The following PDE1C variants were observed in gnomAD, a reference collection of about 807,000 sequenced individuals.
PDE1C encodes the protein phosphodiesterase 1C, also known as dual specificity calcium/calmodulin-dependent 3',5'-cyclic nucleotide phosphodiesterase 1C.
PDE1C carries 62 observed loss-of-function variants against 93.1 expected under a neutral mutation model. The observed-to-expected ratio is 0.67, with a 90% CI of 0.54 to 0.82. PDE1C has a LOEUF of 0.82. PDE1C is among the 40% of genes least tolerant of loss of function. PDE1C has a pLI of 0.00. For synonymous variants in PDE1C, 325 were observed against 310.1 expected (o/e 1.05, Z -0.50); for missense variants, 742 against 884.6 (o/e 0.84, Z 2.04).
intron 3 of PDE1C, among the ~76,000 whole-genome samples, chr7:32,087,235 A>C (rs1797149771): frequency 1.3e-5 from 2 of 149,734 alleles, no homozygotes; most frequent in Non-Finnish European, 3.0e-5. Flanking sequence ...ATGCAGCCAA[A>C]AGACACATGA....
chr7:31,861,799 C>A (rs932849075), intron 7 of PDE1C, among the ~76,000 whole-genome samples: 2 of 152,158 alleles, frequency 1.3e-5, no homozygotes, highest in African/African-American at 4.8e-5. Flanking sequence ...CCATTCACCA[C>A]AGTAATCCTT....
intron 2 of PDE1C, among the ~76,000 whole-genome samples, chr7:31,999,449 G>C (rs1785171054): frequency 6.6e-6 from 1 of 152,116 alleles, no homozygotes; most frequent in Non-Finnish European, 1.5e-5. Flanking sequence ...AAGGGCAGGG[G>C]AACTGTGCAA....
chr7:32,418,625 G>A (rs1785324670), intron 1 of PDE1C, among the ~76,000 whole-genome samples: 1 of 152,114 alleles, frequency 6.6e-6, no homozygotes. Context: ...TTTTCCTTCA[G>A]AACAGAGGCT....
intron 1 of PDE1C, among the ~76,000 whole-genome samples, chr7:32,259,031 C>T (rs1247580581): frequency 6.6e-6 from 1 of 152,098 alleles, no homozygotes; most frequent in Non-Finnish European, 1.5e-5. Flanking sequence ...ATGGTTTGGA[C>T]ATTGGTGGGT....
At chr7:32,047,667 C>A (rs1293121970) in intron 2 of PDE1C, among the ~76,000 whole-genome samples, 1 of 151,756 alleles carries the variant, frequency 6.6e-6, no homozygotes, top group Non-Finnish European at 1.5e-5. Flanking sequence ...ATAACTGCCT[C>A]AATTGTGTTG....
intron 1 of PDE1C, among the ~76,000 whole-genome samples, chr7:32,222,866 C>T (rs1806977904): frequency 6.6e-6 from 1 of 152,180 alleles, no homozygotes; most frequent in African/African-American, 2.4e-5. Context: ...GAACCACTTT[C>T]CCCCTACTCG....
chr7:32,083,404 G>T (rs2128738960), intron 3 of PDE1C, among the ~76,000 whole-genome samples: 1 of 152,244 alleles, frequency 6.6e-6, no homozygotes, highest in Middle Eastern at 3.4e-3. Context: ...CAGGGAGAAT[G>T]GAACCAAGTT....
At chr7:32,220,256 AG>A (rs1806748097) in intron 1 of PDE1C, among the ~76,000 whole-genome samples, 1 of 152,220 alleles carries the variant, frequency 6.6e-6, no homozygotes, top group South Asian at 2.1e-4. Flanking sequence ...GAAGAGGTGG[AG>A]GGACACTCAA....
Position 32,216,036 on chromosome 7 carries a change from G to A in PDE1C, c.86-6497C>T, listed in dbSNP as rs117354322. 5.5e-3 allele frequency among the ~76,000 whole-genome samples: 833 copies of A among 152,360 alleles called. 5 individuals are homozygous for A. The highest frequency in any genetic ancestry group is 9.2e-3 in the Non-Finnish European group (627 of 68,036). On this transcript the variant is annotated intron_variant, in intron 1 of 18. Coordinates refer to the PDE1C transcript ENST00000396193. The stretch of plus-strand genomic sequence containing the variant: ...CAGACTCCCAAAGAAGAGAACATTG[G>A]AATGAGGTTCCAGGCACTTTCACTA...
rs112225725 is a variant in PDE1C, at chr7:31,971,381, T to G, written c.128+80173A>C. ...ACAGTTCCAATACCACCAGCTTTGC[T>G]GCTTGCTAGCCATGTGATCTTGAGT... On this transcript the variant is annotated intron_variant, in intron 2 of 17. Coordinates refer to ENST00000396191, the MANE Select transcript of PDE1C (RefSeq NM_001191057.4). Among the ~76,000 whole-genome samples, 223 of 152,280 alleles carry G rather than the reference T, an allele frequency of 1.5e-3. 2 individuals are homozygous for G. The highest frequency in any genetic ancestry group is 5.2e-3 in the African/African-American group (217 of 41,578).
intron 17 of PDE1C, among the ~76,000 whole-genome samples, chr7:31,761,914 A>C (rs949860608): frequency 1.3e-5 from 2 of 152,360 alleles, no homozygotes; most frequent in Non-Finnish European, 2.9e-5. Flanking sequence ...ATTTAAAAAA[A>C]TGGAAATAAT....
At chr7:31,864,822 A>AG in intron 7 of PDE1C, 120 bp downstream of exon 7, 1 of 926,674 alleles carries the variant, frequency 1.1e-6, no homozygotes, top group Non-Finnish European at 1.6e-6. Context: ...CCTGGGAAAC[A>AG]GGAAGTCCAT....
chr7:31,666,696 C>A, the PDE1C span, among the ~76,000 whole-genome samples: 1 of 152,086 alleles, frequency 6.6e-6, no homozygotes, highest in African/African-American at 2.4e-5. Context: ...TAGTCATATA[C>A]CATCACCACA....
At chr7:31,655,302 C>G in the PDE1C span, among the ~76,000 whole-genome samples, 2 of 152,182 alleles carry the variant, frequency 1.3e-5, no homozygotes, top group Non-Finnish European at 2.9e-5. Flanking sequence ...CCTGCCCCCT[C>G]AGTCAGTCAA....
At chr7:31,978,765 G>A (rs539838006) in intron 2 of PDE1C, among the ~76,000 whole-genome samples, 58 of 152,268 alleles carry the variant, frequency 3.8e-4, no homozygotes, top group African/African-American at 1.3e-3. Context: ...AAGAGATTAA[G>A]GAGATCCTAT....
At chr7:31,974,517 A>G (rs2129052385) in intron 2 of PDE1C, among the ~76,000 whole-genome samples, 1 of 152,280 alleles carries the variant, frequency 6.6e-6, no homozygotes, top group African/African-American at 2.4e-5. Context: ...AACAACACCC[A>G]CTGAAATGAT....
At chr7:32,209,965 T>C (rs968841398) in intron 1 of PDE1C, among the ~76,000 whole-genome samples, 3 of 152,156 alleles carry the variant, frequency 2.0e-5, no homozygotes, top group African/African-American at 7.2e-5. Flanking sequence ...CTAGGATCCA[T>C]AGGGGCAAAG....
intron 15 of PDE1C, among the ~76,000 whole-genome samples, chr7:31,813,093 G>C (rs1787751148): frequency 6.6e-6 from 1 of 152,088 alleles, no homozygotes; most frequent in Admixed American, 6.6e-5. Flanking sequence ...TCAATAAAAT[G>C]GTGGTATTAT....
chr7:31,727,633 C>G, the PDE1C span, among the ~76,000 whole-genome samples: 8 of 152,124 alleles, frequency 5.3e-5, no homozygotes, highest in South Asian at 2.1e-4. Context: ...AATGACTAGT[C>G]CAAAATCAAT....
Sources: allele counts gnomAD v4.1 joint callset (sites outside exome capture counted in the v4.1 genomes callset), GRCh38; gene constraint gnomAD v4.1.1; transcripts MANE v1.5; gene names NCBI Gene and HGNC (gene_info 2026-07-23, HGNC 2026-07-21).